Variants in FAT3 observed in about 807,000 individuals in gnomAD.
FAT3 encodes FAT atypical cadherin 3, also known as protocadherin Fat 3.
A neutral mutation model predicts 310.2 loss-of-function variants in FAT3; 95 were observed. The observed-to-expected ratio is 0.31, with a 90% CI of 0.26 to 0.36. The LOEUF (loss-of-function observed/expected upper bound fraction) is 0.36, where lower values mean the gene tolerates loss of function less well. FAT3 is among the 10% of genes least tolerant of loss of function. The pLI is 1.00. For synonymous variants in FAT3, 2,314 were observed against 2,192.9 expected (o/e 1.06, Z -1.54); for missense variants, 5,408 against 5,715.6 (o/e 0.95, Z 1.74).
chr11:92,718,101 A>G (rs1243603632), intron 4 of FAT3, among the ~76,000 whole-genome samples: 1 of 152,086 alleles, frequency 6.6e-6, no homozygotes, highest in Non-Finnish European at 1.5e-5. Flanking sequence ...CTCAGCCCCA[A>G]GAGACCTGGC....
At chr11:92,255,237 G>A (rs1865270485) in intron 1 of FAT3, among the ~76,000 whole-genome samples, 1 of 151,264 alleles carries the variant, frequency 6.6e-6, no homozygotes, top group South Asian at 2.1e-4. Flanking sequence ...CCCTGGGTTT[G>A]TAGCAGTGAT....
chr11:92,597,605 G>A (rs112898870), intron 3 of FAT3, among the ~76,000 whole-genome samples: 16 of 152,298 alleles, frequency 1.1e-4, no homozygotes, highest in African/African-American at 3.4e-4. Context: ...CTGGGAGGGT[G>A]CAGAAAATGT....
chr11:92,706,626 CCT>C (rs1405570061), intron 4 of FAT3, among the ~76,000 whole-genome samples: 3 of 152,104 alleles, frequency 2.0e-5, no homozygotes, highest in Non-Finnish European at 2.9e-5. Context: ...CCAACGAACC[CCT>C]GTTTTGCAAC....
At chr11:92,315,133 G>A (rs1308073924) in intron 1 of FAT3, among the ~76,000 whole-genome samples, 1 of 151,558 alleles carries the variant, frequency 6.6e-6, no homozygotes, top group Non-Finnish European at 1.5e-5. Flanking sequence ...ATAATCCTGT[G>A]AATAACCTTG....
intron 1 of FAT3, among the ~76,000 whole-genome samples, chr11:92,275,989 T>G (rs899647427): frequency 2.2e-5 from 1 of 45,990 alleles, no homozygotes; most frequent in Non-Finnish European, 4.5e-5. Context: ...TAACAATATT[T>G]TTTAAAAAGA....
intron 2 of FAT3, among the ~76,000 whole-genome samples, chr11:92,476,194 A>G (rs1476268451): frequency 6.6e-6 from 1 of 152,150 alleles, no homozygotes; most frequent in Non-Finnish European, 1.5e-5. Flanking sequence ...GGATACGCAT[A>G]TCAAGAAAGC....
intron 2 of FAT3, among the ~76,000 whole-genome samples, chr11:92,430,172 A>G (rs1391550501): frequency 1.3e-5 from 2 of 152,162 alleles, no homozygotes; most frequent in African/African-American, 2.4e-5. Context: ...CAATTCAGCT[A>G]TTGATACTTG....
At chr11:92,655,015 C>T (rs1309541364) in intron 3 of FAT3, among the ~76,000 whole-genome samples, 1 of 152,166 alleles carries the variant, frequency 6.6e-6, no homozygotes, top group Non-Finnish European at 1.5e-5. Context: ...CCTATAATGA[C>T]CTCTTCCAGG....
At chr11:92,623,374 C>T (rs539061306) in intron 3 of FAT3, among the ~76,000 whole-genome samples, 85 of 152,160 alleles carry the variant, frequency 5.6e-4, no homozygotes, top group Non-Finnish European at 9.8e-4. Context: ...ATGTTCAACA[C>T]ATAGCAGTAC....
intron 3 of FAT3, among the ~76,000 whole-genome samples, chr11:92,598,215 C>CATATATATATATAT (rs148924628): frequency 7.3e-6 from 1 of 136,446 alleles, no homozygotes; most frequent in African/African-American, 2.8e-5. Flanking sequence ...TATATGTATA[C>CATATATATATATAT]ATATATATAT....
chr11:92,820,602 A>G (rs1437707634), intron 13 of FAT3, among the ~76,000 whole-genome samples: 1 of 152,068 alleles, frequency 6.6e-6, no homozygotes, highest in East Asian at 1.9e-4. Context: ...AGGTCTATCA[A>G]CAACTGCTCT....
At chr11:92,683,072 TAA>T (rs1179409316) in intron 3 of FAT3, among the ~76,000 whole-genome samples, 2 of 114,780 alleles carry the variant, frequency 1.7e-5, no homozygotes, top group South Asian at 2.7e-4. Context: ...AGCAAGACTC[TAA>T]AAAAAAAAAA....
rs1376291754 is a variant in FAT3 at position 92,524,725 on chromosome 11, C to T, written c.3384C>T (p.Leu1128=). The T allele has an allele frequency of 6.2e-7, 1 of 1,613,832 alleles. No homozygotes were observed. Among genetic ancestry groups the T allele is most frequent in the Non-Finnish European group, 8.5e-7 (1 of 1,179,828 alleles). ...CCACAGACAGGGGCGTTGTTCCACT[C>T]TACTCCACCATTGAGGTCTACATTG... The part of the protein sequence containing the change: ...VYATDRGVVP[L]YSTIEVYIEV... The change falls in exon 3 of 28, where the codon CTC becomes CTT. Residue 1128 remains leucine (L), a synonymous_variant. Coordinates refer to ENST00000525166, the MANE Select transcript of FAT3 (RefSeq NM_001367949.2).
intron 1 of FAT3, among the ~76,000 whole-genome samples, chr11:92,246,150 T>C (rs919937532): frequency 1.3e-5 from 2 of 151,292 alleles, no homozygotes; most frequent in Non-Finnish European, 2.9e-5. Context: ...AAGAGGGAGG[T>C]GGAGGCAGCA....
chr11:92,509,094 A>G (rs1565371385), intron 2 of FAT3, among the ~76,000 whole-genome samples: 1 of 152,172 alleles, frequency 6.6e-6, no homozygotes, highest in African/African-American at 2.4e-5. Context: ...TCCTTGAGTA[A>G]AATTATCAAA....
chr11:92,318,735 A>G (rs1947531029), intron 1 of FAT3, among the ~76,000 whole-genome samples: 1 of 152,218 alleles, frequency 6.6e-6, no homozygotes, highest in East Asian at 1.9e-4. Context: ...GTCTTTCCTG[A>G]ATTAACACAA....
At chr11:92,402,450 C>G (rs1456130221) in intron 2 of FAT3, among the ~76,000 whole-genome samples, 2 of 152,012 alleles carry the variant, frequency 1.3e-5, no homozygotes, top group Non-Finnish European at 2.9e-5. Flanking sequence ...AATTCTCGGT[C>G]TGGGTGCAGT....
chr11:92,316,080 T>C (rs970310872), intron 1 of FAT3, among the ~76,000 whole-genome samples: 2 of 151,752 alleles, frequency 1.3e-5, no homozygotes, highest in Non-Finnish European at 2.9e-5. Context: ...TATGTTTTGG[T>C]GAAAAAAAGG....
At chr11:92,256,871 C>G (rs1037821996) in intron 1 of FAT3, among the ~76,000 whole-genome samples, 4 of 152,092 alleles carry the variant, frequency 2.6e-5, no homozygotes, top group African/African-American at 9.7e-5. Context: ...CAGATCTTCC[C>G]TAATCCCAGT....
Sources: allele counts gnomAD v4.1 joint callset (sites outside exome capture counted in the v4.1 genomes callset), GRCh38; gene constraint gnomAD v4.1.1; transcripts MANE v1.5; gene names NCBI Gene and HGNC (gene_info 2026-07-23, HGNC 2026-07-21).